The following MARCHF11 variants were observed in gnomAD, a reference collection of about 807,000 sequenced individuals.
MARCHF11 encodes membrane associated ring-CH-type finger 11, also known as E3 ubiquitin-protein ligase MARCHF11.
Under a neutral mutation model 37.3 loss-of-function variants are expected in MARCHF11, and 29 were observed. The observed-to-expected ratio is 0.78, with a 90% CI of 0.58 to 1.06. MARCHF11 has a LOEUF of 1.06. Among genes scored for constraint, MARCHF11 ranks in the 50% least tolerant of loss-of-function variants. MARCHF11 has a pLI of 0.00. For synonymous variants in MARCHF11, 233 were observed against 228.0 expected, an observed-to-expected ratio of 1.02 and a Z score of -0.20; for missense variants, 482 against 533.4, an observed-to-expected ratio of 0.90 and a Z score of 0.95.
intron 2 of MARCHF11, among the ~76,000 whole-genome samples, chr5:16,174,817 G>A (rs928401230): frequency 6.6e-6 from 1 of 152,158 alleles, no homozygotes; most frequent in Non-Finnish European, 1.5e-5. Context: ...TAACTCCTAT[G>A]GGGGATAAAG....
intron 2 of MARCHF11, among the ~76,000 whole-genome samples, chr5:16,118,139 A>C (rs768802): frequency 0.23 from 34,873 of 152,156 alleles, 4,185 homozygotes; most frequent in South Asian, 0.33. Flanking sequence ...AATCCTGAGG[A>C]ACACACAGAA....
chr5:16,156,763 C>CTACA (rs1247868503), intron 2 of MARCHF11, among the ~76,000 whole-genome samples: 1 of 151,888 alleles, frequency 6.6e-6, no homozygotes, highest in East Asian at 1.9e-4. Flanking sequence ...GTATAGCCTA[C>CTACA]TACACACCTA....
intron 2 of MARCHF11, among the ~76,000 whole-genome samples, chr5:16,109,477 G>C (rs1737101095): frequency 6.6e-6 from 1 of 152,228 alleles, no homozygotes; most frequent in African/African-American, 2.4e-5. Flanking sequence ...GAGCTGCCCG[G>C]AGGATGGTGC....
chr5:16,100,993 A>G (rs1736945267), intron 2 of MARCHF11, among the ~76,000 whole-genome samples: 1 of 152,148 alleles, frequency 6.6e-6, no homozygotes, highest in African/African-American at 2.4e-5. Flanking sequence ...AACTATTTGG[A>G]CTGACTTGCA....
At chr5:16,083,282 C>T (rs962321868) in intron 3 of MARCHF11, among the ~76,000 whole-genome samples, 1 of 152,062 alleles carries the variant, frequency 6.6e-6, no homozygotes, top group East Asian at 1.9e-4. Context: ...ACAGGGAGAC[C>T]AGGAAAGAGC....
At position 16,179,221 on chromosome 5, in the gene MARCHF11, G is replaced by T; in HGVS notation, c.355C>A (p.Pro119Thr). The T allele has an allele frequency of 7.4e-7, 1 of 1,351,000 alleles. No individual in the cohort carries two copies. 83.7% of individuals were successfully genotyped at this position (1,351,000 alleles called of 1,614,324 possible). ...LPEAAAAKGGPGESEAGAGGE... is the reference protein window; with the variant it reads ...LPEAAAAKGGTGESEAGAGGE... The stretch of plus-strand genomic sequence containing the variant: ...CCCGCGCCGGCCTCAGACTCCCCGG[G>T]GCCGCCTTTCGCTGCTGCCGCCTCC... Residue 119 changes from proline (P) to threonine (T), a missense_variant, in exon 1 of 4, where the codon CCC becomes ACC. By Grantham distance (38) the Pro-to-Thr change is conservative. Transcript: ENST00000332432.
At chr5:16,154,854 G>C (rs1202638770) in intron 2 of MARCHF11, among the ~76,000 whole-genome samples, 1 of 151,816 alleles carries the variant, frequency 6.6e-6, no homozygotes, top group Admixed American at 6.6e-5. Flanking sequence ...TATTCCTGAG[G>C]ATGGGGAATG....
intron 2 of MARCHF11, among the ~76,000 whole-genome samples, chr5:16,128,410 GTAC>G (rs1737456023): frequency 6.6e-6 from 1 of 152,138 alleles, no homozygotes; most frequent in Admixed American, 6.5e-5. Flanking sequence ...ATGTGGCTGG[GTAC>G]TTGTGCACAG....
chr5:16,152,779 C>T (rs182821493), intron 2 of MARCHF11, among the ~76,000 whole-genome samples: 246 of 152,098 alleles, frequency 1.6e-3, no homozygotes, highest in Admixed American at 4.4e-3. Context: ...TATCTCACCA[C>T]CTGCAGCTAG....
intron 3 of MARCHF11, among the ~76,000 whole-genome samples, chr5:16,078,984 C>T (rs577987806): frequency 2.0e-5 from 3 of 152,212 alleles, no homozygotes; most frequent in East Asian, 1.9e-4. Context: ...AACACACACA[C>T]GTGCACACTC....
chr5:16,140,050 C>T (rs535353993), intron 2 of MARCHF11, among the ~76,000 whole-genome samples: 106 of 152,066 alleles, frequency 7.0e-4, no homozygotes, highest in African/African-American at 2.5e-3. Context: ...ATTTTAGTTC[C>T]CCAAAATAAA....
chr5:16,085,709 T>C (rs1736684876), intron 3 of MARCHF11, among the ~76,000 whole-genome samples: 1 of 151,970 alleles, frequency 6.6e-6, no homozygotes, highest in Non-Finnish European at 1.5e-5. Flanking sequence ...TGCCAGCACT[T>C]TGGGAGGCCA....
At chr5:16,167,864 G>A (rs1738196378) in intron 2 of MARCHF11, among the ~76,000 whole-genome samples, 1 of 151,970 alleles carries the variant, frequency 6.6e-6, no homozygotes, top group African/African-American at 2.4e-5. Context: ...TGGTTAACGT[G>A]TTGAATAAAT....
intron 2 of MARCHF11, among the ~76,000 whole-genome samples, chr5:16,141,770 A>G (rs1322720729): frequency 6.6e-6 from 1 of 152,212 alleles, no homozygotes; most frequent in African/African-American, 2.4e-5. Context: ...AAAAACAAAA[A>G]CAAAAACAAA....
intron 3 of MARCHF11, among the ~76,000 whole-genome samples, chr5:16,087,623 T>C (rs1736720339): frequency 6.6e-6 from 1 of 152,188 alleles, no homozygotes; most frequent in South Asian, 2.1e-4. Context: ...TACAGAATAT[T>C]TTCATCCTTG....
At chr5:16,081,158 C>G (rs1373277447) in intron 3 of MARCHF11, among the ~76,000 whole-genome samples, 2 of 152,188 alleles carry the variant, frequency 1.3e-5, no homozygotes, top group Non-Finnish European at 2.9e-5. Flanking sequence ...CCCATTAGCT[C>G]TCACATACAT....
chr5:16,136,999 AT>A (rs1737620069), intron 2 of MARCHF11, among the ~76,000 whole-genome samples: 1 of 152,206 alleles, frequency 6.6e-6, no homozygotes, highest in Non-Finnish European at 1.5e-5. Flanking sequence ...ACAATAAAAA[AT>A]ATAAAATCAA....
chr5:16,124,707 C>T lies in MARCHF11; in HGVS notation c.694-33626G>A, dbSNP rs145496702. 3.0e-3 allele frequency among the ~76,000 whole-genome samples: 458 copies of T among 151,744 alleles called. 15 individuals are homozygous for T. The highest frequency in any genetic ancestry group is 1.0e-2 in the African/African-American group (413 of 41,486). ...TTCCCACAGAGAAGGGTAAAAGATG[C>T]TATCTCAAGGAACTTTACTTCCATT... On this transcript the variant is annotated intron_variant, in intron 2 of 3. Coordinates refer to ENST00000332432, the MANE Select transcript of MARCHF11 (RefSeq NM_001102562.3).
At position 16,118,413 on chromosome 5, in the gene MARCHF11, G is replaced by C. The variant is rs184365368; in HGVS notation, c.694-27332C>G. Among the ~76,000 whole-genome samples the C allele has an allele frequency of 3.5e-3, 534 of 152,312 alleles. 1 individual carries two copies. The highest frequency in any genetic ancestry group is 0.012 in the African/African-American group (515 of 41,574). On this transcript the variant is annotated intron_variant, in intron 2 of 3. Transcript: ENST00000332432. ...TCAACTGGTTCCAATAAGAGGCAGG[G>C]GGGGAATGACTTGAACCAGATGGTG...
Sources: allele counts gnomAD v4.1 joint callset (sites outside exome capture counted in the v4.1 genomes callset), GRCh38; gene constraint gnomAD v4.1.1; transcripts MANE v1.5; gene names NCBI Gene and HGNC (gene_info 2026-07-23, HGNC 2026-07-21).